The following TPST1 variants were observed in gnomAD, a reference collection of about 807,000 sequenced individuals.
TPST1 encodes protein-tyrosine sulfotransferase 1.
A neutral mutation model predicts 34.8 loss-of-function variants in TPST1; 20 were observed. The ratio of observed to expected loss-of-function variants is 0.57; its 90% CI spans 0.40 to 0.84. The LOEUF (loss-of-function observed/expected upper bound fraction) is 0.84. TPST1 is among the 40% of genes least tolerant of loss of function. The pLI, the probability that TPST1 is intolerant of heterozygous loss-of-function variation, is 0.00. For synonymous variants in TPST1, 152 were observed against 159.4 expected (o/e 0.95, Z 0.35); for missense variants, 353 against 455.5 (o/e 0.78, Z 2.05).
intron 1 of TPST1, among the ~76,000 whole-genome samples, chr7:66,234,278 C>T (rs1022865634): frequency 1.3e-5 from 2 of 152,124 alleles, no homozygotes; most frequent in Non-Finnish European, 2.9e-5. Context: ...CAGGTCTTAG[C>T]CTAAATGCCA....
At chr7:66,253,373 T>C (rs933258087) in intron 2 of TPST1, among the ~76,000 whole-genome samples, 3 of 149,014 alleles carry the variant, frequency 2.0e-5, no homozygotes, top group African/African-American at 7.4e-5. Context: ...TCGCTTTCTT[T>C]TTTTTTTTTT....
intron 3 of TPST1, among the ~76,000 whole-genome samples, chr7:66,342,386 A>G (rs1460023021): frequency 6.6e-6 from 1 of 152,230 alleles, no homozygotes; most frequent in Non-Finnish European, 1.5e-5. Flanking sequence ...AGGGGAAATC[A>G]TCATCTTGAA....
intron 3 of TPST1, among the ~76,000 whole-genome samples, chr7:66,342,380 G>A (rs565009537): frequency 2.0e-5 from 3 of 152,258 alleles, no homozygotes; most frequent in Non-Finnish European, 2.9e-5. Context: ...GGGAGAAGGG[G>A]AAATCATCAT....
rs183898521 is a variant in TPST1, at chr7:66,266,081, C to T, written c.846-20430C>T. ...AGAACATGGGTCAAGTTAACTACATCGGTTAACTTAGCACTGGCCCAAGCT... is the reference window on the plus strand; with the variant it reads ...AGAACATGGGTCAAGTTAACTACATTGGTTAACTTAGCACTGGCCCAAGCT... On this transcript the variant is annotated intron_variant, in intron 2 of 5. Coordinates refer to ENST00000304842, the MANE Select transcript of TPST1 (RefSeq NM_003596.4). 1.1e-4 allele frequency among the ~76,000 whole-genome samples: 16 copies of T among 152,248 alleles called. No homozygotes were observed. The East Asian group carries it at 1.5e-3, about 15-fold the overall frequency.
chr7:66,262,959 G>T (rs975980888), intron 2 of TPST1, among the ~76,000 whole-genome samples: 1 of 151,994 alleles, frequency 6.6e-6, no homozygotes, highest in Non-Finnish European at 1.5e-5. Flanking sequence ...AATTAGCCAG[G>T]TGTGGTGGCA....
intron 1 of TPST1, among the ~76,000 whole-genome samples, chr7:66,214,089 A>G (rs1035250355): frequency 2.0e-5 from 3 of 152,186 alleles, no homozygotes; most frequent in African/African-American, 7.2e-5. Context: ...GTATATTCAT[A>G]TAGTTGTACA....
At chr7:66,305,265 T>C (rs1169535489) in intron 3 of TPST1, among the ~76,000 whole-genome samples, 3 of 152,202 alleles carry the variant, frequency 2.0e-5, no homozygotes, top group African/African-American at 4.8e-5. Flanking sequence ...GTACCTTTCA[T>C]GTGATCATGG....
chr7:66,211,141 AT>A (rs557181190), intron 1 of TPST1, among the ~76,000 whole-genome samples: 9 of 147,982 alleles, frequency 6.1e-5, no homozygotes, highest in African/African-American at 1.7e-4. Flanking sequence ...TTTTATTTTT[AT>A]TTTTTTTTTG....
intron 2 of TPST1, among the ~76,000 whole-genome samples, chr7:66,262,579 C>T (rs1790509519): frequency 6.6e-6 from 1 of 152,148 alleles, no homozygotes; most frequent in Non-Finnish European, 1.5e-5. Flanking sequence ...CATGTCTTTT[C>T]CCTTTTGGAA....
At chr7:66,324,824 A>C (rs1031947623) in intron 3 of TPST1, among the ~76,000 whole-genome samples, 82 of 110,874 alleles carry the variant, frequency 7.4e-4, no homozygotes, top group Non-Finnish European at 1.3e-3. Flanking sequence ...AAAAAAAAAA[A>C]AAAAAACAAG....
At chr7:66,342,010 A>G (rs1442927265) in intron 3 of TPST1, among the ~76,000 whole-genome samples, 2 of 152,234 alleles carry the variant, frequency 1.3e-5, no homozygotes, top group Admixed American at 6.5e-5. Context: ...TAAGAAACTT[A>G]GAAGCAAAAT....
intron 1 of TPST1, among the ~76,000 whole-genome samples, chr7:66,208,571 T>C (rs1439676239): frequency 6.6e-6 from 1 of 151,976 alleles, no homozygotes; most frequent in African/African-American, 2.4e-5. Context: ...AGGGTTTGAG[T>C]GATTCTCGTA....
At chr7:66,303,058 C>T (rs1177215879) in intron 3 of TPST1, among the ~76,000 whole-genome samples, 2 of 152,322 alleles carry the variant, frequency 1.3e-5, no homozygotes, top group African/African-American at 2.4e-5. Flanking sequence ...ACTCAACTCA[C>T]ATGACACCTC....
At chr7:66,352,666 G>C in intron 4 of TPST1, 111 bp downstream of exon 4, 1 of 1,535,596 alleles carries the variant, frequency 6.5e-7, no homozygotes, top group East Asian at 2.4e-5. Context: ...AAACCAAAAA[G>C]AAAAGAAGAA....
chr7:66,243,944 T>A (rs1790093059), intron 2 of TPST1, among the ~76,000 whole-genome samples: 1 of 20,044 alleles, frequency 5.0e-5, no homozygotes, highest in Admixed American at 4.3e-4. Flanking sequence ...CTGGGAAATT[T>A]TTTTTTTTTT....
At position 66,274,135 on chromosome 7, in the gene TPST1, G is replaced by A. The variant is rs192773887; in HGVS notation, c.846-12376G>A. On this transcript the variant is annotated intron_variant, in intron 2 of 5. Transcript: ENST00000304842. ...TGTAATCCCAGCACTTTGGGAGGCC[G>A]AGGTGGGTGGATCACAAGGTCAGGA... Among the ~76,000 whole-genome samples, 203 of 151,612 alleles carry A rather than the reference G, an allele frequency of 1.3e-3. 2 individuals carry two copies. The highest frequency in any genetic ancestry group is 4.5e-3 in the African/African-American group (188 of 41,432).
rs769664448 is a variant in TPST1, at chr7:66,241,021, C to G, written c.596C>G (p.Thr199Ser). The G allele has an allele frequency of 1.2e-6, 2 of 1,614,086 alleles. No individual in the cohort carries two copies. Among genetic ancestry groups the G allele is most frequent in the African/African-American group, 2.7e-5 (2 of 74,928 alleles). ...SVHSMISRKVTIAGFDLNSYR... is the reference protein window; with the variant it reads ...SVHSMISRKVSIAGFDLNSYR... The stretch of plus-strand genomic sequence containing the variant: ...CATTCAATGATTTCTCGAAAAGTTA[C>G]TATAGCTGGATTTGATCTGAACAGC... Residue 199 changes from threonine to serine, a missense_variant, in exon 2 of 6, where the codon ACT becomes AGT. Thr to Ser is a moderately conservative substitution (Grantham distance 58). Coordinates refer to ENST00000304842, the MANE Select transcript of TPST1 (RefSeq NM_003596.4).
At chr7:66,199,858 C>T in the TPST1 span, among the ~76,000 whole-genome samples, 3 of 151,982 alleles carry the variant, frequency 2.0e-5, no homozygotes, top group Non-Finnish European at 4.4e-5. Context: ...GGACTACCGC[C>T]GCGCGGCACC....
At chr7:66,300,213 G>A (rs1256059020) in intron 3 of TPST1, among the ~76,000 whole-genome samples, 1 of 152,132 alleles carries the variant, frequency 6.6e-6, no homozygotes, top group Non-Finnish European at 1.5e-5. Context: ...AATTTGTTTT[G>A]TTATGTAATA....
Sources: allele counts gnomAD v4.1 joint callset (sites outside exome capture counted in the v4.1 genomes callset), GRCh38; gene constraint gnomAD v4.1.1; transcripts MANE v1.5; gene names NCBI Gene and HGNC (gene_info 2026-07-23, HGNC 2026-07-21).